Variants in NAA60 observed in about 807,000 individuals in gnomAD.
NAA60 encodes N-alpha-acetyltransferase 60, NatF catalytic subunit.
In NAA60, 8 loss-of-function variants were observed where a neutral mutation model predicts 26.1. The ratio of observed to expected loss-of-function variants is 0.31; its 90% CI spans 0.18 to 0.55. The LOEUF (loss-of-function observed/expected upper bound fraction) is 0.55. Ranked by LOEUF, NAA60 falls within the 20% of genes least tolerant of loss-of-function variation. The probability of loss-of-function intolerance (pLI) is 0.93; values close to 1 mark genes in which losing one functional copy is unlikely to be tolerated. For missense variants in NAA60, 290 were observed against 311.3 expected, an observed-to-expected ratio of 0.93 and a Z score of 0.51; for synonymous variants, 131 against 122.5, an observed-to-expected ratio of 1.07 and a Z score of -0.46.
intron 2 of NAA60, among the ~76,000 whole-genome samples, chr16:3,456,408 G>A (rs1209562910): frequency 2.6e-5 from 4 of 152,114 alleles, no homozygotes; most frequent in Admixed American, 2.0e-4. Context: ...TAGCCAGTGG[G>A]AAAGGGGAGA....
Position 3,476,269 on chromosome 16 carries a change from C to T in NAA60, c.42C>T (p.Ser14=). The T allele has an allele frequency of 6.2e-7, 1 of 1,613,908 alleles. No homozygotes were observed. The highest frequency in any genetic ancestry group is 8.5e-7 in the Non-Finnish European group (1 of 1,179,836). Residue 14 remains serine, a synonymous_variant, in exon 3 of 8, where the codon AGC becomes AGT. Coordinates refer to ENST00000407558, the MANE Select transcript of NAA60 (RefSeq NM_001083601.3). The part of the protein sequence containing the change: ...VVPSSALSEV[S]LRLLCHDDID... ...CATCCAGCGCGCTCAGCGAGGTCAG[C>T]CTGCGCCTCCTCTGCCACGATGACA...
intron 2 of NAA60, among the ~76,000 whole-genome samples, chr16:3,464,789 T>C (rs1039753764): frequency 6.6e-6 from 1 of 152,176 alleles, no homozygotes; most frequent in African/African-American, 2.4e-5. Flanking sequence ...GGAAATATAT[T>C]CCAGGCACAA....
intron 2 of NAA60, chr16:3,458,030 G>A (rs1025423031): frequency 4.4e-5 from 43 of 985,350 alleles, no homozygotes; most frequent in Non-Finnish European, 5.1e-5. Context: ...GGAGGCGGAA[G>A]TGCCGCGGGC....
chr16:3,485,700 G>A lies in NAA60; in HGVS notation c.*440G>A, dbSNP rs1445987924. ...GCAAGTATTATGGACACACTTGACC[G>A]TAAAGGCACAGGAGCCTCGGAACAA... On this transcript the variant is annotated 3_prime_UTR_variant, in exon 8 of 8. Transcript: ENST00000407558. The A allele has an allele frequency of 1.3e-5, 6 of 456,410 alleles. No individual in the cohort carries two copies. The highest frequency in any genetic ancestry group is 3.2e-4 in the Middle Eastern group (1 of 3,096). The allele number at this position is 456,410 out of a possible 1,614,324, so 28.3% of individuals were successfully genotyped here.
intron 4 of NAA60, among the ~76,000 whole-genome samples, chr16:3,481,007 G>A (rs2151016006): frequency 6.6e-6 from 1 of 152,228 alleles, no homozygotes; most frequent in Non-Finnish European, 1.5e-5. Flanking sequence ...TACTCTGTCT[G>A]GCACAGCTTT....
At chr16:3,446,619 G>T (rs1415445069) in intron 1 of NAA60, among the ~76,000 whole-genome samples, 3 of 138,728 alleles carry the variant, frequency 2.2e-5, no homozygotes, top group East Asian at 2.1e-4. Context: ...TTTATTATTT[G>T]TTTTTTTTTT....
intron 2 of NAA60, among the ~76,000 whole-genome samples, chr16:3,463,551 T>TAA (rs71133639): frequency 0.061 from 6,995 of 113,800 alleles, 266 homozygotes; most frequent in Non-Finnish European, 0.081. Flanking sequence ...GACCCTGTGT[T>TAA]AAAAAAAAAA....
chr16:3,457,096 C>G (rs927718300), intron 2 of NAA60, among the ~76,000 whole-genome samples: 3 of 152,166 alleles, frequency 2.0e-5, no homozygotes, highest in Non-Finnish European at 2.9e-5. Flanking sequence ...CCAGCCAAGA[C>G]TCGAATCTTA....
chr16:3,450,945 C>T (rs1439683199), intron 2 of NAA60, among the ~76,000 whole-genome samples: 1 of 152,176 alleles, frequency 6.6e-6, no homozygotes, highest in African/African-American at 2.4e-5. Flanking sequence ...ATGTACAGTA[C>T]AAGCATTGTA....
At chr16:3,461,066 A>T (rs539770357) in intron 2 of NAA60, among the ~76,000 whole-genome samples, 6 of 151,966 alleles carry the variant, frequency 3.9e-5, no homozygotes, top group Non-Finnish European at 8.8e-5. Context: ...GCCAGGCTCT[A>T]TATCATTCTT....
rs754226139 is a variant in NAA60, at chr16:3,482,561, T to C, written c.300T>C (p.Ser100=). Reference sequence around the variant, plus strand: ...ACACACAAGTCGCGTACATCCTAAGTCTGGGCGTCGTGAAAGAGTTCAGGA... The same window carrying C: ...ACACACAAGTCGCGTACATCCTAAGCCTGGGCGTCGTGAAAGAGTTCAGGA... ...SVDTQVAYIL[S]LGVVKEFRKH... The change falls in exon 5 of 8, where the codon AGT becomes AGC. Residue 100 remains serine (S), a synonymous_variant. Coordinates refer to ENST00000407558, the MANE Select transcript of NAA60 (RefSeq NM_001083601.3). 1.2e-6 allele frequency: 2 copies of C among 1,609,288 alleles called. No individual in the cohort carries two copies. The highest frequency in any genetic ancestry group is 1.7e-6 in the Non-Finnish European group (2 of 1,177,900).
chr16:3,460,783 G>A (rs1480155641), intron 2 of NAA60, among the ~76,000 whole-genome samples: 1 of 152,178 alleles, frequency 6.6e-6, no homozygotes, highest in East Asian at 1.9e-4. Flanking sequence ...GTAAAATGCT[G>A]ATCTGCAAAA....
At position 3,484,967 on chromosome 16, in the gene NAA60, G is replaced by T. The variant is rs1197560590; in HGVS notation, c.*112G>T. The T allele has an allele frequency of 6.5e-7, 1 of 1,530,626 alleles. No individual in the cohort carries two copies. The highest frequency in any genetic ancestry group is 8.8e-7 in the Non-Finnish European group (1 of 1,140,864). The allele number at this position is 1,530,626 out of a possible 1,614,324, so 94.8% of individuals were successfully genotyped here. ...GCAAGGAGCTGCCAGCCATCTAACTGGGCTCGTCGGCCTGCCCCAGCTGCA... is the reference window on the plus strand; with the variant it reads ...GCAAGGAGCTGCCAGCCATCTAACTTGGCTCGTCGGCCTGCCCCAGCTGCA... On this transcript the variant is annotated 3_prime_UTR_variant, in exon 7 of 8. Transcript: ENST00000407558.
chr16:3,473,707 TTTGTTGTTGTTGTTG>T (rs199845048), intron 2 of NAA60, among the ~76,000 whole-genome samples: 12 of 145,910 alleles, frequency 8.2e-5, no homozygotes, highest in South Asian at 2.2e-4. Flanking sequence ...GCCCCAGCTT[TTTGTTGTTGTTGTTG>T]TTGTTGTTGT....
chr16:3,470,359 A>G (rs1014231598), intron 2 of NAA60, among the ~76,000 whole-genome samples: 7 of 152,166 alleles, frequency 4.6e-5, no homozygotes, highest in Non-Finnish European at 8.8e-5. Flanking sequence ...GGAACTCGCT[A>G]TTCCCAGAGG....
At chr16:3,484,135 C>T (rs1292034234) in intron 6 of NAA60, among the ~76,000 whole-genome samples, 2 of 152,144 alleles carry the variant, frequency 1.3e-5, no homozygotes, top group Admixed American at 6.6e-5. Flanking sequence ...AGCCAGGAAA[C>T]TTTATAATAG....
At chr16:3,485,087 T>A in intron 7 of NAA60, 26 bp downstream of exon 7, 1 of 1,340,524 alleles carries the variant, frequency 7.5e-7, no homozygotes, top group Non-Finnish European at 1.0e-6. Context: ...CACAAAGGTA[T>A]GGGAGCTTGG....
At chr16:3,448,373 C>A in intron 1 of NAA60, 98 bp from the exon 2 acceptor site, 1 of 936,712 alleles carries the variant, frequency 1.1e-6, no homozygotes. Context: ...GATTGATACT[C>A]TGAGATCCAG....
intron 2 of NAA60, chr16:3,450,093 A>C (rs1457984319): frequency 2.5e-6 from 1 of 394,114 alleles, no homozygotes; most frequent in Non-Finnish European, 4.5e-6. Context: ...AAATATTTGG[A>C]AGCAAAATAT....
Sources: gnomAD v4.1 joint callset for allele counts (sites outside exome capture counted in the v4.1 genomes callset) on GRCh38, gnomAD v4.1.1 for gene constraint, MANE v1.5 for transcripts, NCBI Gene and HGNC (gene_info 2026-07-23, HGNC 2026-07-21) for gene names.